NDUFA12: variants seen among roughly 807,000 people sequenced by gnomAD.
NDUFA12 encodes NADH:ubiquinone oxidoreductase subunit A12, also known as NADH dehydrogenase [ubiquinone] 1 alpha subcomplex subunit 12.
Under a neutral mutation model 20.3 loss-of-function variants are expected in NDUFA12, and 17 were observed. The ratio of observed to expected loss-of-function variants is 0.84; its 90% CI spans 0.57 to 1.26. The LOEUF is 1.26. Ranked by LOEUF, NDUFA12 falls within the 50% of genes most tolerant of loss-of-function variation. NDUFA12 has a pLI of 0.00. For missense variants in NDUFA12, 191 were observed against 183.7 expected, an observed-to-expected ratio of 1.04 and a Z score of -0.23; for synonymous variants, 72 against 63.6, an observed-to-expected ratio of 1.13 and a Z score of -0.63.
At chr12:94,979,044 G>T (rs1828149611) in intron 3 of NDUFA12, among the ~76,000 whole-genome samples, 1 of 152,206 alleles carries the variant, frequency 6.6e-6, no homozygotes, top group African/African-American at 2.4e-5. Flanking sequence ...TCTAAAGAAG[G>T]TGTGACCAAT....
intron 3 of NDUFA12, among the ~76,000 whole-genome samples, chr12:94,988,319 C>T (rs896021001): frequency 6.6e-6 from 1 of 152,094 alleles, no homozygotes; most frequent in African/African-American, 2.4e-5. Flanking sequence ...TTATGTAGGA[C>T]AATGTTCTTG....
chr12:94,972,509 G>A, intron 3 of NDUFA12: 1 of 448,410 alleles, frequency 2.2e-6, no homozygotes, highest in Non-Finnish European at 4.5e-6. Flanking sequence ...AGAGCCTGAT[G>A]CATTGTAAAT....
intron 3 of NDUFA12, among the ~76,000 whole-genome samples, chr12:94,989,177 C>T (rs921639018): frequency 3.9e-5 from 6 of 152,178 alleles, no homozygotes; most frequent in African/African-American, 1.4e-4. Context: ...CTGACCCTTC[C>T]ATTGCTCTTG....
At chr12:94,979,668 A>T (rs78291584) in intron 3 of NDUFA12, among the ~76,000 whole-genome samples, 1 of 64,084 alleles carries the variant, frequency 1.6e-5, no homozygotes, top group African/African-American at 5.4e-5. Flanking sequence ...CCACCCCTAT[A>T]AAAAAAAAAA....
chr12:94,999,653 C>T (rs1382450829), intron 2 of NDUFA12, among the ~76,000 whole-genome samples: 1 of 151,768 alleles, frequency 6.6e-6, no homozygotes, highest in East Asian at 1.9e-4. Context: ...CCCATCAAAA[C>T]GTGGGCAAAG....
At chr12:94,973,587 C>CA (rs1332913726) in intron 3 of NDUFA12, among the ~76,000 whole-genome samples, 4 of 152,138 alleles carry the variant, frequency 2.6e-5, no homozygotes, top group Admixed American at 2.6e-4. Flanking sequence ...AAATTGCTGT[C>CA]AAGACTCCGG....
In NDUFA12 at chr12:94,971,554, G is replaced by T. The variant is rs1230331525; in HGVS notation, c.324C>A (p.Phe108Leu). Residue 108 changes from phenylalanine (F) to leucine (L), a missense_variant, in exon 4 of 4, where the codon TTC (phenylalanine) becomes TTA (leucine). Coordinates refer to ENST00000327772, the MANE Select transcript of NDUFA12 (RefSeq NM_018838.5). ...CGTTGAATTTATGGTTCGTCCAAATGAATTTACGAGCAGTAAGTGGTTTTG... is the reference window on the plus strand; with the variant it reads ...CGTTGAATTTATGGTTCGTCCAAATTAATTTACGAGCAGTAAGTGGTTTTG... ...PTTKPLTARK[F>L]IWTNHKFNVT... The T allele has an allele frequency of 6.2e-7, 1 of 1,614,174 alleles. No individual in the cohort carries two copies. The highest frequency in any genetic ancestry group is 2.2e-5 in the East Asian group (1 of 44,872).
At chr12:95,002,462 A>T (rs7965015) in intron 2 of NDUFA12, among the ~76,000 whole-genome samples, 3 of 132,840 alleles carry the variant, frequency 2.3e-5, no homozygotes, top group South Asian at 2.4e-4. Context: ...AAAAAAAAAA[A>T]AAGAACAAAA....
At chr12:94,972,831 C>T (rs1407390767) in intron 3 of NDUFA12, among the ~76,000 whole-genome samples, 2 of 152,076 alleles carry the variant, frequency 1.3e-5, no homozygotes, top group South Asian at 2.1e-4. Flanking sequence ...ACCACCGATG[C>T]TGCTGCTAAT....
At chr12:94,985,626 C>CAGAAAAAAAA (rs1555200603) in intron 3 of NDUFA12, among the ~76,000 whole-genome samples, 1 of 43,570 alleles carries the variant, frequency 2.3e-5, no homozygotes, top group Non-Finnish European at 4.3e-5. Flanking sequence ...GACTCCATCT[C>CAGAAAAAAAA]AAAAAAAAAA....
intron 3 of NDUFA12, among the ~76,000 whole-genome samples, chr12:94,978,011 T>C (rs1404729970): frequency 2.0e-5 from 3 of 150,950 alleles, no homozygotes; most frequent in Non-Finnish European, 4.4e-5. Flanking sequence ...AGAGACTGAG[T>C]TGGGAGTATG....
intron 3 of NDUFA12, among the ~76,000 whole-genome samples, chr12:94,993,794 C>T (rs907475194): frequency 6.6e-6 from 1 of 151,544 alleles, no homozygotes; most frequent in East Asian, 1.9e-4. Context: ...ATTAGCCAGG[C>T]GTGGTGGCTC....
intron 3 of NDUFA12, among the ~76,000 whole-genome samples, chr12:94,973,767 T>C (rs1224076608): frequency 1.3e-5 from 2 of 152,116 alleles, no homozygotes; most frequent in African/African-American, 2.4e-5. Context: ...CAAGCCTACA[T>C]GCAAGAATCA....
chr12:94,985,709 A>G lies in NDUFA12; in HGVS notation c.257+8461T>C, dbSNP rs368590998. On this transcript the variant is annotated intron_variant, in intron 3 of 3. Coordinates refer to ENST00000327772, the MANE Select transcript of NDUFA12 (RefSeq NM_018838.5). ...GAAGACATACAAATGGTCAACAGCTATATGAAAAAAATGCTCATTGTCACT... is the reference window on the plus strand; with the variant it reads ...GAAGACATACAAATGGTCAACAGCTGTATGAAAAAAATGCTCATTGTCACT... Among the ~76,000 whole-genome samples the G allele has an allele frequency of 3.2e-4, 49 of 152,060 alleles. No individual in the cohort carries two copies. In the East Asian group the frequency reaches 5.0e-3, roughly 16 times the overall value.
intron 3 of NDUFA12, among the ~76,000 whole-genome samples, chr12:94,978,185 T>A (rs1049458309): frequency 6.6e-6 from 1 of 152,252 alleles, no homozygotes; most frequent in Non-Finnish European, 1.5e-5. Flanking sequence ...TGGGTCATTC[T>A]GAGCAGAGAC....
At chr12:94,973,753 CT>C (rs775106589) in intron 3 of NDUFA12, among the ~76,000 whole-genome samples, 3 of 151,954 alleles carry the variant, frequency 2.0e-5, no homozygotes, top group Non-Finnish European at 2.9e-5. Context: ...AATATTTATC[CT>C]AGCAAGCCTA....
At position 94,984,729 on chromosome 12, in the gene NDUFA12, AC is replaced by A. The variant is rs1461040723; in HGVS notation, c.257+9440del. Among the ~76,000 whole-genome samples, 27 of 79,166 alleles carry A rather than the reference AC, an allele frequency of 3.4e-4. 2 individuals carry two copies. The highest frequency in any genetic ancestry group is 1.5e-4 in the African/African-American group (3 of 19,512). 51.9% of individuals were successfully genotyped at this position (79,166 alleles called of 152,430 possible). A position where few individuals can be genotyped will look rare whatever the true frequency, so the allele number is the denominator to read the frequency against. On this transcript the variant is annotated intron_variant, in intron 3 of 3. Coordinates refer to ENST00000327772, the MANE Select transcript of NDUFA12 (RefSeq NM_018838.5). ...TGCTAATAGCCAAAAAAAAAAAACA[AC>A]AAAAAACCCATATATATATAATATA... is the stretch of plus-strand genomic sequence containing the variant.
chr12:95,002,904 T>C, intron 1 of NDUFA12, 83 bp from the exon 2 acceptor site: 1 of 1,186,602 alleles, frequency 8.4e-7, no homozygotes, highest in Non-Finnish European at 1.3e-6. Flanking sequence ...GAGTAACAAC[T>C]TTCAGACACA....
intron 3 of NDUFA12, among the ~76,000 whole-genome samples, chr12:94,988,412 A>T (rs1874525560): frequency 6.6e-6 from 1 of 152,212 alleles, no homozygotes; most frequent in African/African-American, 2.4e-5. Flanking sequence ...ATTAGTAATG[A>T]TTCTGAAAGT....
Sources: gnomAD v4.1 joint callset for allele counts (sites outside exome capture counted in the v4.1 genomes callset) on GRCh38, gnomAD v4.1.1 for gene constraint, MANE v1.5 for transcripts, NCBI Gene and HGNC (gene_info 2026-07-23, HGNC 2026-07-21) for gene names.